SNTG1: variants seen among roughly 807,000 people sequenced by gnomAD.
SNTG1 encodes the protein syntrophin gamma 1.
SNTG1 carries 39 observed loss-of-function variants against 74.7 expected under a neutral mutation model. That is an observed-to-expected ratio of 0.52 (90% CI 0.40 to 0.68). SNTG1 has a LOEUF of 0.68. Ranked by LOEUF, SNTG1 falls within the 30% of genes least tolerant of loss-of-function variation. The probability of loss-of-function intolerance (pLI) is 0.00; values close to 1 mark genes in which losing one functional copy is unlikely to be tolerated. For synonymous variants in SNTG1, 254 were observed against 217.1 expected (o/e 1.17, Z -1.49); for missense variants, 685 against 609.5 (o/e 1.12, Z -1.30).
At chr8:50,514,673 G>A (rs1208434967) in intron 9 of SNTG1, among the ~76,000 whole-genome samples, 3 of 152,128 alleles carry the variant, frequency 2.0e-5, no homozygotes, top group Non-Finnish European at 2.9e-5. Context: ...AGAATATTTT[G>A]TGTACACATA....
chr8:50,533,656 C>T (rs1481732628), intron 10 of SNTG1, among the ~76,000 whole-genome samples: 1 of 152,076 alleles, frequency 6.6e-6, no homozygotes, highest in Non-Finnish European at 1.5e-5. Context: ...TAAAGGATAG[C>T]TTGTGTTCCA....
intron 10 of SNTG1, among the ~76,000 whole-genome samples, chr8:50,534,170 T>A (rs570953587): frequency 6.6e-6 from 1 of 152,310 alleles, no homozygotes; most frequent in South Asian, 2.1e-4. Flanking sequence ...CCACAGTAGA[T>A]CTGTTGGCTC....
At position 50,362,812 on chromosome 8, in the gene SNTG1, A is replaced by G. The variant is rs182636018; in HGVS notation, c.-27-31400A>G. Among the ~76,000 whole-genome samples the G allele has an allele frequency of 5.9e-5, 9 of 152,302 alleles. No individual in the cohort carries two copies. In the East Asian group the frequency reaches 1.7e-3, roughly 29 times the overall value. On this transcript the variant is annotated intron_variant, in intron 2 of 18. Transcript: ENST00000642720. ...AAGTATACTTTACTCTGGGTGTTAA[A>G]TAAGGCTTCACAAAGACACATAAGA... is the stretch of plus-strand genomic sequence containing the variant.
chr8:50,295,706 C>T (rs2089331101), intron 2 of SNTG1, among the ~76,000 whole-genome samples: 1 of 152,138 alleles, frequency 6.6e-6, no homozygotes, highest in South Asian at 2.1e-4. Flanking sequence ...TCTTTAACTG[C>T]CAGAGTCAGC....
chr8:50,293,897 G>A (rs975274371), intron 2 of SNTG1, among the ~76,000 whole-genome samples: 5 of 151,930 alleles, frequency 3.3e-5, no homozygotes, highest in Admixed American at 3.3e-4. Flanking sequence ...AATATCTTCA[G>A]AAATAATTCA....
intron 13 of SNTG1, among the ~76,000 whole-genome samples, chr8:50,643,281 C>A (rs936270519): frequency 6.6e-6 from 1 of 152,194 alleles, no homozygotes; most frequent in Admixed American, 6.5e-5. Context: ...CTGATTGCCA[C>A]TCTCCAAAAG....
intron 8 of SNTG1, among the ~76,000 whole-genome samples, chr8:50,463,436 T>C (rs889638086): frequency 5.3e-5 from 8 of 152,202 alleles, no homozygotes; most frequent in African/African-American, 1.9e-4. Flanking sequence ...CCTTGATCCA[T>C]GGGCTTCAGA....
chr8:50,153,459 T>C (rs964641316), intron 1 of SNTG1, among the ~76,000 whole-genome samples: 3 of 152,198 alleles, frequency 2.0e-5, no homozygotes, highest in African/African-American at 4.8e-5. Context: ...CTGTGTTCCT[T>C]TGGAGGGGGA....
chr8:50,528,697 A>G (rs1332910292), intron 9 of SNTG1, among the ~76,000 whole-genome samples: 1 of 151,624 alleles, frequency 6.6e-6, no homozygotes, highest in Non-Finnish European at 1.5e-5. Context: ...TCATGAAGTT[A>G]TTTATCATGA....
At chr8:50,465,808 A>G (rs1282460531) in intron 8 of SNTG1, among the ~76,000 whole-genome samples, 3 of 152,270 alleles carry the variant, frequency 2.0e-5, no homozygotes, top group African/African-American at 7.2e-5. Flanking sequence ...ATATCCCATC[A>G]TATGGATGCA....
At chr8:50,081,412 C>T (rs557720539) in intron 1 of SNTG1, among the ~76,000 whole-genome samples, 24 of 150,908 alleles carry the variant, frequency 1.6e-4, no homozygotes, top group African/African-American at 3.4e-4. Flanking sequence ...GTCTTTATTC[C>T]GTTTGGCATT....
At chr8:50,072,125 C>G (rs1477896586) in intron 1 of SNTG1, among the ~76,000 whole-genome samples, 1 of 152,098 alleles carries the variant, frequency 6.6e-6, no homozygotes. Flanking sequence ...TGGCTAAGAC[C>G]TTGAGCTTTT....
At position 50,749,627 on chromosome 8, in the gene SNTG1, G is replaced by A. The variant is rs2095562721; in HGVS notation, c.1285-2374G>A. 2.0e-5 allele frequency among the ~76,000 whole-genome samples: 3 copies of A among 151,952 alleles called. No individual in the cohort carries two copies. The South Asian group carries it at 6.2e-4, about 31-fold the overall frequency. On this transcript the variant is annotated intron_variant, in intron 17 of 18. Coordinates refer to ENST00000642720, the MANE Select transcript of SNTG1 (RefSeq NM_018967.5). The stretch of plus-strand genomic sequence containing the variant: ...CAATGCAGCTCGTGACTAAAGTATA[G>A]CCAATTCTCATTTACCATTCTAAAC...
intron 1 of SNTG1, among the ~76,000 whole-genome samples, chr8:50,144,979 G>T (rs1333351839): frequency 6.6e-6 from 1 of 152,074 alleles, no homozygotes; most frequent in Non-Finnish European, 1.5e-5. Flanking sequence ...CTGGGCTTTG[G>T]GGGTCAGGAT....
chr8:50,747,246 A>AATAT (rs2095557150), intron 17 of SNTG1, among the ~76,000 whole-genome samples: 1 of 151,996 alleles, frequency 6.6e-6, no homozygotes, highest in South Asian at 2.1e-4. Context: ...GGTAGCAGAA[A>AATAT]ATATTGACTT....
chr8:50,770,438 C>A (rs1002432837), intron 18 of SNTG1, among the ~76,000 whole-genome samples: 7 of 152,140 alleles, frequency 4.6e-5, no homozygotes, highest in African/African-American at 1.7e-4. Context: ...TCCAGACCAC[C>A]ACTGTGACCT....
intron 4 of SNTG1, among the ~76,000 whole-genome samples, chr8:50,423,973 G>A (rs1423442728): frequency 1.3e-5 from 2 of 152,170 alleles, no homozygotes; most frequent in East Asian, 3.9e-4. Flanking sequence ...ATATGGGGAT[G>A]ATCTAAAGAT....
chr8:50,079,824 T>A (rs1321669174), intron 1 of SNTG1, among the ~76,000 whole-genome samples: 3 of 152,220 alleles, frequency 2.0e-5, no homozygotes, highest in African/African-American at 7.2e-5. Flanking sequence ...TAGGGAATCC[T>A]TTTCCCATTG....
chr8:50,151,219 C>G (rs1161525898), intron 1 of SNTG1, among the ~76,000 whole-genome samples: 1 of 152,144 alleles, frequency 6.6e-6, no homozygotes, highest in Non-Finnish European at 1.5e-5. Context: ...ATAGTGTTCT[C>G]TGATGGTAGT....
Sources: allele counts gnomAD v4.1 joint callset (sites outside exome capture counted in the v4.1 genomes callset), GRCh38; gene constraint gnomAD v4.1.1; transcripts MANE v1.5; gene names NCBI Gene and HGNC (gene_info 2026-07-23, HGNC 2026-07-21).